FNDC3A: variants seen among roughly 807,000 people sequenced by gnomAD.
The protein encoded by FNDC3A is fibronectin type-III domain-containing protein 3A.
In FNDC3A, 32 loss-of-function variants were observed where a neutral mutation model predicts 148.9. That is an observed-to-expected ratio of 0.21 (90% CI 0.16 to 0.29). The LOEUF is 0.29. FNDC3A is among the 10% of genes least tolerant of loss of function. The pLI, the probability that FNDC3A is intolerant of heterozygous loss-of-function variation, is 1.00. For missense variants in FNDC3A, 1,191 were observed against 1,452.8 expected (o/e 0.82, Z 2.93); for synonymous variants, 472 against 473.6 (o/e 1.00, Z 0.04).
At chr13:49,038,832 T>A (rs1874701571) in intron 2 of FNDC3A, among the ~76,000 whole-genome samples, 2 of 152,230 alleles carry the variant, frequency 1.3e-5, no homozygotes, top group Non-Finnish European at 2.9e-5. Context: ...CTTATATCTG[T>A]AAAATTGATG....
chr13:49,076,632 A>G (rs192164836), intron 3 of FNDC3A, among the ~76,000 whole-genome samples: 2 of 152,156 alleles, frequency 1.3e-5, no homozygotes, highest in East Asian at 3.9e-4. Context: ...TTCCTGATAC[A>G]CGGGTAATGT....
At chr13:49,118,433 TG>T (rs1369214719) in intron 4 of FNDC3A, among the ~76,000 whole-genome samples, 3 of 152,130 alleles carry the variant, frequency 2.0e-5, no homozygotes, top group Admixed American at 1.3e-4. Context: ...GGCAGGCATT[TG>T]GGCAGACACT....
intron 3 of FNDC3A, chr13:49,110,539 C>A: frequency 2.9e-6 from 2 of 689,560 alleles, no homozygotes; most frequent in African/African-American, 1.8e-5. Context: ...AAATTGTTGC[C>A]ATGTAAATAC....
At chr13:49,086,129 G>T (rs985902724) in intron 3 of FNDC3A, among the ~76,000 whole-genome samples, 1 of 152,118 alleles carries the variant, frequency 6.6e-6, no homozygotes, top group African/African-American at 2.4e-5. Context: ...TGATCCACCC[G>T]CCTCAGCCTC....
chr13:49,080,238 C>A (rs1365095961), intron 3 of FNDC3A, among the ~76,000 whole-genome samples: 10 of 152,098 alleles, frequency 6.6e-5, no homozygotes, highest in Admixed American at 6.6e-4. Flanking sequence ...TGTCTGTCTT[C>A]CCTTAGTTCT....
chr13:49,146,889 T>C (rs1883029573), intron 8 of FNDC3A: 1 of 152,234 alleles, frequency 6.6e-6, no homozygotes, highest in Non-Finnish European at 1.5e-5. Flanking sequence ...GTAATGTTAA[T>C]GGTTAGTTAT....
Position 49,045,611 on chromosome 13 carries a change from G to A in FNDC3A, c.100-29678G>A, listed in dbSNP as rs150485896. ...CTCTCTTAAATGAGAAGGCAACAAA[G>A]GTGAGTCTAGTTCTGTTAAGGATGC... On this transcript the variant is annotated intron_variant, in intron 2 of 25. Coordinates refer to ENST00000492622, the MANE Select transcript of FNDC3A (RefSeq NM_001079673.2). 344 of 547,108 alleles carry A rather than the reference G, an allele frequency of 6.3e-4. 3 individuals are homozygous for A. Among genetic ancestry groups the A allele is most frequent in the African/African-American group, 5.8e-3 (289 of 50,208 alleles). 33.9% of individuals were successfully genotyped at this position (547,108 alleles called of 1,614,324 possible). A position where few individuals can be genotyped will look rare whatever the true frequency, so the allele number is the denominator to read the frequency against.
intron 2 of FNDC3A, among the ~76,000 whole-genome samples, chr13:49,019,679 A>G (rs1006219945): frequency 2.6e-5 from 4 of 152,132 alleles, no homozygotes; most frequent in Admixed American, 6.5e-5. Context: ...GCTAAACCCA[A>G]TTTCATTGTG....
At chr13:49,019,450 C>T (rs1201612797) in intron 2 of FNDC3A, among the ~76,000 whole-genome samples, 1 of 152,220 alleles carries the variant, frequency 6.6e-6, no homozygotes, top group South Asian at 2.1e-4. Context: ...AATGCCTCGC[C>T]CTGCTTCGGC....
At chr13:49,004,673 C>T (rs191318194) in intron 1 of FNDC3A, among the ~76,000 whole-genome samples, 11 of 151,660 alleles carry the variant, frequency 7.3e-5, no homozygotes, top group African/African-American at 1.5e-4. Flanking sequence ...ATAATAATGG[C>T]GGCCTGCAGT....
intron 14 of FNDC3A, among the ~76,000 whole-genome samples, chr13:49,183,392 G>GTACA (rs1242266801): frequency 2.0e-5 from 3 of 152,068 alleles, no homozygotes; most frequent in African/African-American, 7.2e-5. Context: ...TTCCTTCAAG[G>GTACA]TACAATCTGC....
intron 2 of FNDC3A, among the ~76,000 whole-genome samples, chr13:49,024,720 A>C (rs1486255707): frequency 6.6e-6 from 1 of 151,986 alleles, no homozygotes; most frequent in African/African-American, 2.4e-5. Flanking sequence ...AATTAGGTAC[A>C]GAAGGAAAGT....
intron 1 of FNDC3A, among the ~76,000 whole-genome samples, chr13:48,999,271 A>G (rs1366015848): frequency 6.6e-6 from 1 of 152,246 alleles, no homozygotes; most frequent in Non-Finnish European, 1.5e-5. Context: ...ATGATTCTCA[A>G]GCCTTAAGAT....
chr13:49,016,371 A>T (rs1468527131), intron 2 of FNDC3A, among the ~76,000 whole-genome samples: 1 of 151,698 alleles, frequency 6.6e-6, no homozygotes, highest in Admixed American at 6.6e-5. Flanking sequence ...TTTCTTCTAG[A>T]TTTTCTAGTT....
intron 1 of FNDC3A, among the ~76,000 whole-genome samples, chr13:48,977,068 G>A (rs1951617769): frequency 1.3e-5 from 2 of 152,186 alleles, no homozygotes; most frequent in Admixed American, 6.5e-5. Context: ...TGATTTGCTG[G>A]GGGTGCTAGA....
intron 2 of FNDC3A, among the ~76,000 whole-genome samples, chr13:49,050,399 C>T (rs753665684): frequency 2.0e-5 from 3 of 152,080 alleles, no homozygotes; most frequent in Non-Finnish European, 2.9e-5. Context: ...CATTTTTGAC[C>T]CAGTGATCAT....
intron 19 of FNDC3A, among the ~76,000 whole-genome samples, chr13:49,192,115 A>G (rs1318233304): frequency 2.0e-5 from 3 of 152,214 alleles, no homozygotes; most frequent in African/African-American, 2.4e-5. Context: ...CTAAGGACAA[A>G]GCAGTAATTT....
chr13:49,100,809 T>C (rs149816769), intron 3 of FNDC3A, among the ~76,000 whole-genome samples: 128 of 152,288 alleles, frequency 8.4e-4, no homozygotes, highest in African/African-American at 2.9e-3. Context: ...AACTTCTGTA[T>C]TGACCATTTT....
intron 8 of FNDC3A, among the ~76,000 whole-genome samples, chr13:49,148,364 T>C (rs1202784662): frequency 1.3e-5 from 2 of 151,426 alleles, no homozygotes; most frequent in African/African-American, 2.5e-5. Context: ...TTTAAGTCTG[T>C]AAGCCTTCTT....
Sources: allele counts gnomAD v4.1 joint callset (sites outside exome capture counted in the v4.1 genomes callset), GRCh38; gene constraint gnomAD v4.1.1; transcripts MANE v1.5; gene names NCBI Gene and HGNC (gene_info 2026-07-23, HGNC 2026-07-21).